CSMD1: variants seen among roughly 807,000 people sequenced by gnomAD.
CSMD1 encodes CUB and Sushi multiple domains 1.
In CSMD1, 213 loss-of-function variants were observed where a neutral mutation model predicts 417.5. The ratio of observed to expected loss-of-function variants is 0.51; its 90% confidence interval spans 0.46 to 0.57. CSMD1 has a LOEUF of 0.57. Among genes scored for constraint, CSMD1 ranks in the 20% least tolerant of loss-of-function variants. The pLI is 0.00. For missense variants in CSMD1, 6,923 were observed against 4,529.7 expected (o/e 1.53, Z -15.17); for synonymous variants, 2,862 against 1,736.8 (o/e 1.65, Z -16.11).
chr8:3,834,453 C>G (rs1182560110), intron 5 of CSMD1, among the ~76,000 whole-genome samples: 1 of 152,202 alleles, frequency 6.6e-6, no homozygotes, highest in Non-Finnish European at 1.5e-5. Context: ...GCTTCCCCGG[C>G]AGGCAGTGCT....
At chr8:3,083,631 TATATATATATATATATA>T (rs1471157320) in intron 49 of CSMD1, among the ~76,000 whole-genome samples, 11 of 33,346 alleles carry the variant, frequency 3.3e-4, no homozygotes, top group South Asian at 1.4e-3. Flanking sequence ...TATATATATA[TATATATATATATATATA>T]TTTTTTTTTT....
intron 3 of CSMD1, among the ~76,000 whole-genome samples, chr8:4,054,784 T>C (rs1798606197): frequency 6.6e-6 from 1 of 152,110 alleles, no homozygotes; most frequent in Non-Finnish European, 1.5e-5. Flanking sequence ...TACCTTCAAG[T>C]GGACGAACAA....
intron 1 of CSMD1, among the ~76,000 whole-genome samples, chr8:4,776,929 A>C (rs1796882798): frequency 6.6e-6 from 1 of 152,244 alleles, no homozygotes; most frequent in African/African-American, 2.4e-5. Flanking sequence ...ACTAAGATTA[A>C]AGGCACTGGT....
intron 1 of CSMD1, among the ~76,000 whole-genome samples, chr8:4,954,769 T>C (rs1808977825): frequency 6.6e-6 from 1 of 152,170 alleles, no homozygotes; most frequent in Non-Finnish European, 1.5e-5. Flanking sequence ...TAACTGCTAT[T>C]ACACAGAATT....
At chr8:4,719,491 G>A (rs186313459) in intron 1 of CSMD1, among the ~76,000 whole-genome samples, 5 of 151,584 alleles carry the variant, frequency 3.3e-5, no homozygotes, top group East Asian at 1.9e-4. Flanking sequence ...TTCTTCAAGC[G>A]CATTGTAAGT....
chr8:4,909,226 T>C (rs941508680), intron 1 of CSMD1, among the ~76,000 whole-genome samples: 2 of 152,178 alleles, frequency 1.3e-5, no homozygotes, highest in Admixed American at 6.5e-5. Context: ...TGAGGGATGG[T>C]AGAGTGTTTT....
intron 5 of CSMD1, among the ~76,000 whole-genome samples, chr8:3,928,391 A>C (rs917944203): frequency 6.6e-6 from 1 of 152,228 alleles, no homozygotes; most frequent in East Asian, 1.9e-4. Context: ...ATGTGTAGGT[A>C]GCAGTGAAAT....
chr8:3,667,992 A>C (rs566259176), intron 7 of CSMD1, among the ~76,000 whole-genome samples: 1 of 152,230 alleles, frequency 6.6e-6, no homozygotes, highest in South Asian at 2.1e-4. Flanking sequence ...CCCGATCAAT[A>C]TGAGTGTCTG....
intron 3 of CSMD1, among the ~76,000 whole-genome samples, chr8:4,250,738 C>T (rs1050597723): frequency 6.6e-6 from 1 of 151,996 alleles, no homozygotes; most frequent in Non-Finnish European, 1.5e-5. Context: ...AGAAAGTTTG[C>T]AAAGAAAAAC....
chr8:3,301,002 G>A (rs1247519414), intron 25 of CSMD1, among the ~76,000 whole-genome samples: 4 of 147,312 alleles, frequency 2.7e-5, no homozygotes, highest in African/African-American at 9.9e-5. Flanking sequence ...AATTAGAAAT[G>A]GTATAAACAA....
At chr8:3,283,007 C>G (rs1476507234) in intron 26 of CSMD1, among the ~76,000 whole-genome samples, 1 of 152,114 alleles carries the variant, frequency 6.6e-6, no homozygotes, top group Non-Finnish European at 1.5e-5. Context: ...GCTGAACTGC[C>G]ACAAAATATC....
At chr8:3,444,672 G>C (rs1288099355) in intron 12 of CSMD1, among the ~76,000 whole-genome samples, 1 of 152,130 alleles carries the variant, frequency 6.6e-6, no homozygotes, top group Non-Finnish European at 1.5e-5. Context: ...TGGAAATGGT[G>C]ATAGGCCTGA....
At chr8:3,807,660 C>T (rs1354755533) in intron 5 of CSMD1, among the ~76,000 whole-genome samples, 1 of 152,118 alleles carries the variant, frequency 6.6e-6, no homozygotes, top group East Asian at 1.9e-4. Flanking sequence ...TTTTCATTCA[C>T]CTACACATCT....
intron 3 of CSMD1, among the ~76,000 whole-genome samples, chr8:4,073,758 A>C (rs909660538): frequency 6.6e-6 from 1 of 152,136 alleles, no homozygotes; most frequent in East Asian, 1.9e-4. Flanking sequence ...CAATTTATAC[A>C]CTTGAAAATG....
At chr8:3,927,680 G>C (rs1008226470) in intron 5 of CSMD1, among the ~76,000 whole-genome samples, 1 of 151,730 alleles carries the variant, frequency 6.6e-6, no homozygotes, top group African/African-American at 2.4e-5. Flanking sequence ...TCTCAAAATA[G>C]AAAAGAAAAG....
At chr8:3,627,135 C>A (rs1445435825) in intron 7 of CSMD1, among the ~76,000 whole-genome samples, 1 of 152,042 alleles carries the variant, frequency 6.6e-6, no homozygotes, top group Non-Finnish European at 1.5e-5. Context: ...TGTAGTCACT[C>A]AAAAATTTAA....
At chr8:4,790,628 G>A (rs1027344928) in intron 1 of CSMD1, among the ~76,000 whole-genome samples, 3 of 152,006 alleles carry the variant, frequency 2.0e-5, no homozygotes, top group Admixed American at 2.0e-4. Flanking sequence ...TGGTACAAAA[G>A]CAGACACATA....
rs565417596 is a variant in CSMD1 at position 3,555,149 on chromosome 8, G to C, written c.1344+19796C>G. 8.6e-5 allele frequency among the ~76,000 whole-genome samples: 13 copies of C among 151,900 alleles called. No homozygotes were observed. The East Asian group carries it at 2.4e-3, about 28-fold the overall frequency. ...CTATTAAATTATGAGCAAAACCTAG[G>C]CCAGAAAACAAGCAGAATGGGGAGA... On this transcript the variant is annotated intron_variant, in intron 10 of 69. Transcript: ENST00000635120.
At chr8:3,893,492 CATTT>C (rs2129128759) in intron 5 of CSMD1, among the ~76,000 whole-genome samples, 1 of 151,552 alleles carries the variant, frequency 6.6e-6, no homozygotes, top group African/African-American at 2.4e-5. Context: ...AAAACCAGAA[CATTT>C]ATTACAATTT....
Sources: allele counts gnomAD v4.1 joint callset (sites outside exome capture counted in the v4.1 genomes callset), GRCh38; gene constraint gnomAD v4.1.1; transcripts MANE v1.5; gene names NCBI Gene and HGNC (gene_info 2026-07-23, HGNC 2026-07-21).